ADCY2: variants seen among roughly 807,000 people sequenced by gnomAD.
ADCY2 encodes the protein adenylate cyclase type 2.
A neutral mutation model predicts 125.2 loss-of-function variants in ADCY2; 31 were observed. The ratio of observed to expected loss-of-function variants is 0.25; its 90% CI spans 0.19 to 0.33. ADCY2 has a LOEUF of 0.33. Ranked by LOEUF, ADCY2 falls within the 10% of genes least tolerant of loss-of-function variation. ADCY2 has a pLI of 1.00. For synonymous variants in ADCY2, 512 were observed against 548.4 expected, an observed-to-expected ratio of 0.93 and a Z score of 0.93; for missense variants, 904 against 1,418.2, an observed-to-expected ratio of 0.64 and a Z score of 5.82.
intron 3 of ADCY2, among the ~76,000 whole-genome samples, chr5:7,589,479 AAAGAAAG>A (rs1736756481): frequency 1.7e-5 from 1 of 60,408 alleles, no homozygotes; most frequent in Non-Finnish European, 4.1e-5. Context: ...AGAAAGAAAG[AAAGAAAG>A]AAAGAAAGAA....
intron 3 of ADCY2, among the ~76,000 whole-genome samples, chr5:7,618,832 T>C (rs1579241038): frequency 6.6e-6 from 1 of 152,198 alleles, no homozygotes; most frequent in East Asian, 1.9e-4. Flanking sequence ...GTGCAGATCA[T>C]TAGGAGAGCT....
chr5:7,684,775 C>CTTTT lies in ADCY2; in HGVS notation c.721-5905_721-5902dup, dbSNP rs10662818. On this transcript the variant is annotated intron_variant, in intron 4 of 24. Transcript: ENST00000338316. ...GGAGCCACATCTATGTCTGTTGTGC[C>CTTTT]TTTTTTTTTTTTTTGTCAAAACATG... 2.6e-3 allele frequency among the ~76,000 whole-genome samples: 371 copies of CTTTT among 141,422 alleles called. 4 individuals carry two copies. Among genetic ancestry groups the CTTTT allele is most frequent in the East Asian group, 0.015 (73 of 4,732 alleles). 92.8% of individuals were successfully genotyped at this position (141,422 alleles called of 152,430 possible).
intron 2 of ADCY2, among the ~76,000 whole-genome samples, chr5:7,438,593 G>A (rs1038566957): frequency 2.0e-5 from 3 of 152,158 alleles, no homozygotes; most frequent in Non-Finnish European, 4.4e-5. Context: ...TGTGAGTGCT[G>A]GAGCAGCAAT....
At chr5:7,634,892 AG>A (rs1457099117) in intron 4 of ADCY2, among the ~76,000 whole-genome samples, 2 of 152,192 alleles carry the variant, frequency 1.3e-5, no homozygotes, top group African/African-American at 2.4e-5. Flanking sequence ...TGGTGGCTGG[AG>A]AAGACCAAGA....
chr5:7,515,378 C>T, intron 2 of ADCY2, among the ~76,000 whole-genome samples: 1 of 152,152 alleles, frequency 6.6e-6, no homozygotes, highest in East Asian at 1.9e-4. Flanking sequence ...TTGGGGTAGG[C>T]AGGAGCAGAT....
rs752386297 is a variant in ADCY2 at position 7,486,514 on chromosome 5, C to T, written c.409-34224C>T. 1.2e-3 allele frequency among the ~76,000 whole-genome samples: 177 copies of T among 152,296 alleles called. 1 individual carries two copies. The highest frequency in any genetic ancestry group is 1.3e-3 in the Non-Finnish European group (88 of 68,026). Reference sequence around the variant, plus strand: ...ACAGTGTTTAGGGAAGGGCAACACCCGCTCTTTGCAGTAGCTGATAGCTGC... The same window carrying T: ...ACAGTGTTTAGGGAAGGGCAACACCTGCTCTTTGCAGTAGCTGATAGCTGC... On this transcript the variant is annotated intron_variant, in intron 2 of 24. Coordinates refer to ENST00000338316, the MANE Select transcript of ADCY2 (RefSeq NM_020546.3).
At position 7,712,915 on chromosome 5, in the gene ADCY2, A is replaced by C. The variant is rs748942548; in HGVS notation, c.1622+16A>C. On this transcript the variant is annotated intron_variant, in intron 11 of 24. Transcript: ENST00000338316. ...GCACCTTAAGGTATGGTATCTCTCT[A>C]TCTGATTTTTTAAAGCTTATTGCTC... 1 of 1,579,288 alleles carries C rather than the reference A, an allele frequency of 6.3e-7. No homozygotes were observed. The highest frequency in any genetic ancestry group is 8.7e-7 in the Non-Finnish European group (1 of 1,149,772).
intron 2 of ADCY2, among the ~76,000 whole-genome samples, chr5:7,424,214 C>T (rs969039207): frequency 2.0e-5 from 3 of 152,238 alleles, no homozygotes; most frequent in Non-Finnish European, 4.4e-5. Context: ...TGTGCACTTG[C>T]CCCTTCTACC....
intron 1 of ADCY2, among the ~76,000 whole-genome samples, chr5:7,402,001 G>T (rs1431555725): frequency 6.6e-6 from 1 of 152,122 alleles, no homozygotes; most frequent in African/African-American, 2.4e-5. Flanking sequence ...CCTGGGTTGG[G>T]GGTGCAAGCA....
rs868104218 is a variant in ADCY2, at chr5:7,720,846, G to A, written c.1703+3609G>A. On this transcript the variant is annotated intron_variant, in intron 12 of 24. Transcript: ENST00000338316. Reference sequence around the variant, plus strand: ...AGTCTTTGCTATTGTGAATAGTGCCGCAATAAACATACATGTGCATGTGTC... The same window carrying A: ...AGTCTTTGCTATTGTGAATAGTGCCACAATAAACATACATGTGCATGTGTC... Among the ~76,000 whole-genome samples the A allele has an allele frequency of 3.3e-5, 5 of 152,088 alleles. No homozygotes were observed. In the South Asian group the frequency reaches 6.2e-4, roughly 19 times the overall value.
At chr5:7,438,428 G>T (rs992656290) in intron 2 of ADCY2, among the ~76,000 whole-genome samples, 4 of 152,216 alleles carry the variant, frequency 2.6e-5, no homozygotes, top group African/African-American at 9.6e-5. Flanking sequence ...GGAGAGTATT[G>T]TGGGGGAAAT....
At chr5:7,414,805 T>C (rs1739873344) in intron 2 of ADCY2, 35 bp downstream of exon 2, 1 of 1,553,188 alleles carries the variant, frequency 6.4e-7, no homozygotes, top group Non-Finnish European at 8.7e-7. Flanking sequence ...ACTTCTTTTA[T>C]GTCTTGATTT....
chr5:7,611,414 C>T (rs1175159572), intron 3 of ADCY2, among the ~76,000 whole-genome samples: 2 of 152,000 alleles, frequency 1.3e-5, no homozygotes, highest in African/African-American at 4.8e-5. Context: ...AAATTGGTAC[C>T]TCTGGACTAA....
intron 3 of ADCY2, among the ~76,000 whole-genome samples, chr5:7,614,756 T>C (rs926490686): frequency 1.3e-5 from 2 of 152,216 alleles, no homozygotes; most frequent in Non-Finnish European, 2.9e-5. Flanking sequence ...GGTCAGGGAT[T>C]GAGGCTGTAA....
chr5:7,460,647 G>C (rs1741884379), intron 2 of ADCY2, among the ~76,000 whole-genome samples: 1 of 152,028 alleles, frequency 6.6e-6, no homozygotes, highest in African/African-American at 2.4e-5. Context: ...CCTGAATGTT[G>C]GTTCACTTGG....
chr5:7,638,109 G>C (rs1738571326), intron 4 of ADCY2, among the ~76,000 whole-genome samples: 1 of 152,178 alleles, frequency 6.6e-6, no homozygotes, highest in South Asian at 2.1e-4. Context: ...CGGGCACCTG[G>C]TGACTGAGCA....
At chr5:7,818,457 C>T (rs1284486457) in intron 23 of ADCY2, among the ~76,000 whole-genome samples, 1 of 151,616 alleles carries the variant, frequency 6.6e-6, no homozygotes, top group Admixed American at 6.6e-5. Context: ...CCTGGGTTCA[C>T]GTGATTCTCC....
intron 4 of ADCY2, among the ~76,000 whole-genome samples, chr5:7,660,997 T>C (rs1739509658): frequency 6.6e-6 from 1 of 152,148 alleles, no homozygotes; most frequent in African/African-American, 2.4e-5. Context: ...CAAAAAATCT[T>C]CACTGCATGA....
chr5:7,788,656 T>A (rs888614930), intron 19 of ADCY2, among the ~76,000 whole-genome samples: 1 of 152,244 alleles, frequency 6.6e-6, no homozygotes, highest in Non-Finnish European at 1.5e-5. Flanking sequence ...ATGTGGATTT[T>A]AAATTTTTTT....
Sources: allele counts gnomAD v4.1 joint callset (sites outside exome capture counted in the v4.1 genomes callset), GRCh38; gene constraint gnomAD v4.1.1; transcripts MANE v1.5; gene names NCBI Gene and HGNC (gene_info 2026-07-23, HGNC 2026-07-21).